Variants in ADGRE1 observed in about 807,000 individuals in gnomAD.
The protein encoded by ADGRE1 is EGF-like module receptor 1.
Under a neutral mutation model 102.7 loss-of-function variants are expected in ADGRE1, and 82 were observed. That is an observed-to-expected ratio of 0.80 (90% CI 0.67 to 0.96). The LOEUF (loss-of-function observed/expected upper bound fraction) is 0.96, where lower values mean the gene tolerates loss of function less well. Ranked by LOEUF, ADGRE1 falls within the 40% of genes least tolerant of loss-of-function variation. ADGRE1 has a pLI of 0.00. For missense variants in ADGRE1, 1,032 were observed against 1,085.3 expected, an observed-to-expected ratio of 0.95 and a Z score of 0.69; for synonymous variants, 398 against 399.6, an observed-to-expected ratio of 1.00 and a Z score of 0.05.
chr19:6,913,898 G>A (rs1405854207), intron 11 of ADGRE1, 68 bp downstream of exon 11: 1 of 1,467,184 alleles, frequency 6.8e-7, no homozygotes, highest in Non-Finnish European at 9.1e-7. Flanking sequence ...TTGGCAATGG[G>A]ATATTCCCTG....
At chr19:6,900,258 T>G (rs1185148492) in intron 5 of ADGRE1, among the ~76,000 whole-genome samples, 1 of 149,758 alleles carries the variant, frequency 6.7e-6, no homozygotes, top group Non-Finnish European at 1.5e-5. Context: ...GAGAATCGCT[T>G]AAGACCAAGA....
chr19:6,902,079 G>A, intron 6 of ADGRE1, 58 bp downstream of exon 6: 1 of 1,603,190 alleles, frequency 6.2e-7, no homozygotes, highest in Non-Finnish European at 8.5e-7. Context: ...AGACAGCAGT[G>A]AGGGGATTAG....
intron 9 of ADGRE1, among the ~76,000 whole-genome samples, chr19:6,906,988 GAGTCTTCC>G (rs1973984197): frequency 6.6e-6 from 1 of 152,098 alleles, no homozygotes; most frequent in African/African-American, 2.4e-5. Context: ...GAATATATTG[GAGTCTTCC>G]TGCCAGTGAA....
At chr19:6,934,026 A>C (rs1185403059) in intron 17 of ADGRE1, among the ~76,000 whole-genome samples, 1 of 152,210 alleles carries the variant, frequency 6.6e-6, no homozygotes, top group Non-Finnish European at 1.5e-5. Flanking sequence ...GAGAACAAGC[A>C]AAGGCTGTTT....
intron 16 of ADGRE1, 117 bp from the exon 17 acceptor site, chr19:6,928,028 C>T: frequency 7.9e-7 from 1 of 1,270,618 alleles, no homozygotes; most frequent in Non-Finnish European, 1.1e-6. Context: ...CCATCCTGAG[C>T]ATCATCTGAG....
At chr19:6,933,385 C>CTTTTTTTTT (rs34493324) in intron 17 of ADGRE1, among the ~76,000 whole-genome samples, 16 of 129,882 alleles carry the variant, frequency 1.2e-4, no homozygotes, top group African/African-American at 4.7e-4. Context: ...AGTGTGAAGA[C>CTTTTTTTTT]TTTTTTTTTT....
At position 6,931,172 on chromosome 19, in the gene ADGRE1, C is replaced by T. The variant is rs79226780; in HGVS notation, c.2289+2961C>T. On this transcript the variant is annotated intron_variant, in intron 17 of 20. Coordinates refer to ENST00000312053, the MANE Select transcript of ADGRE1 (RefSeq NM_001974.5). ...TTAAATGTTTAGCTCCCACAAAGAA[C>T]TGAGAACATGTGAAATGTGTCTTTC... Among the ~76,000 whole-genome samples the T allele has an allele frequency of 7.6e-3, 1,153 of 151,708 alleles. 20 individuals carry two copies. The highest frequency in any genetic ancestry group is 0.026 in the African/African-American group (1,092 of 41,446).
rs36079308 is a variant in ADGRE1, at chr19:6,907,341, AT to A, written c.1038+835del. Among the ~76,000 whole-genome samples, 210 of 144,998 alleles carry A rather than the reference AT, an allele frequency of 1.4e-3. 2 individuals are homozygous for A. The highest frequency in any genetic ancestry group is 1.6e-3 in the Non-Finnish European group (105 of 66,186). ...TCATCACCTCAATCTAGTTCTAGAA[AT>A]TTTTTTTTTTTTTTGAGATGGAGTC... On this transcript the variant is annotated intron_variant, in intron 9 of 20. Coordinates refer to ENST00000312053, the MANE Select transcript of ADGRE1 (RefSeq NM_001974.5).
rs1178989897 is a variant in ADGRE1, at chr19:6,897,556, G to A, written c.514+9G>A. On this transcript the variant is annotated intron_variant, in intron 5 of 20. Coordinates refer to ENST00000312053, the MANE Select transcript of ADGRE1 (RefSeq NM_001974.5). ...AAACTCCACCTGTGAAGGTATCCAT[G>A]ACCATCTCTTTATTATTTACCTACT... 6.5e-7 allele frequency: 1 copy of A among 1,533,982 alleles called. No individual in the cohort carries two copies. Among genetic ancestry groups the A allele is most frequent in the South Asian group, 1.3e-5 (1 of 76,406 alleles).
chr19:6,919,823 A>AT (rs1005757423), intron 13 of ADGRE1, 76 bp downstream of exon 13: 2 of 1,432,908 alleles, frequency 1.4e-6, no homozygotes, highest in Admixed American at 3.7e-5. Context: ...CTTAACTCTC[A>AT]TTTTTTACGG....
intron 3 of ADGRE1, 104 bp downstream of exon 3, chr19:6,896,645 A>T (rs892734596): frequency 1.4e-5 from 19 of 1,318,392 alleles, no homozygotes; most frequent in Non-Finnish European, 2.0e-5. Context: ...ATTTTTTTTT[A>T]AATCTGGTTT....
At chr19:6,900,613 A>G (rs77537650) in intron 5 of ADGRE1, among the ~76,000 whole-genome samples, 2,006 of 152,150 alleles carry the variant, frequency 0.013, 56 homozygotes, top group African/African-American at 0.046. Context: ...TCTCCAATCC[A>G]TCCTCTACAC....
At position 6,890,596 on chromosome 19, in the gene ADGRE1, C is replaced by T. The variant is rs1973333348; in HGVS notation, c.94+53C>T. ...CCTGAAGGGGTAGAGAAAGTTTTCT[C>T]CCCGGGGAAACATCCCAGGAAGCTG... On this transcript the variant is annotated intron_variant, in intron 2 of 20. Coordinates refer to ENST00000312053, the MANE Select transcript of ADGRE1 (RefSeq NM_001974.5). 1.3e-5 allele frequency: 21 copies of T among 1,574,378 alleles called. 1 individual carries two copies. Among genetic ancestry groups the T allele is most frequent in the South Asian group, 1.2e-4 (11 of 88,200 alleles).
At chr19:6,908,182 A>G (rs1302242504) in intron 9 of ADGRE1, among the ~76,000 whole-genome samples, 1 of 152,272 alleles carries the variant, frequency 6.6e-6, no homozygotes, top group Admixed American at 6.5e-5. Context: ...CCTGCTGCAG[A>G]TAACTAGCCA....
At position 6,924,848 on chromosome 19, in the gene ADGRE1, C is replaced by A. The variant is rs371078149; in HGVS notation, c.1962C>A (p.Ala654=). Residue 654 remains alanine, a synonymous_variant, in exon 15 of 21, where the codon GCC becomes GCA. Transcript: ENST00000312053. ...CLLLAKTLFL[A]GIHKTDNKMG... is the part of the protein sequence containing the mutation. ...TCTTGGCGAAGACTCTCTTCCTCGC[C>A]GGTATACACAAGACTGACAACAAGG... The A allele has an allele frequency of 6.2e-7, 1 of 1,614,092 alleles. No individual in the cohort carries two copies. The highest frequency in any genetic ancestry group is 8.5e-7 in the Non-Finnish European group (1 of 1,180,028).
chr19:6,930,436 A>AT (rs924679565), intron 17 of ADGRE1, among the ~76,000 whole-genome samples: 3 of 151,552 alleles, frequency 2.0e-5, no homozygotes, highest in East Asian at 1.9e-4. Flanking sequence ...CGAGGATTAA[A>AT]TTTTTTTTTA....
intron 15 of ADGRE1, 92 bp downstream of exon 15, chr19:6,924,964 C>A: frequency 7.4e-7 from 1 of 1,353,120 alleles, no homozygotes; most frequent in East Asian, 2.3e-5. Context: ...ATCCCTGTTC[C>A]TACCTCAGGG....
Position 6,924,829 on chromosome 19 carries a change from C to T in ADGRE1, c.1943C>T (p.Ala648Val), listed in dbSNP as rs200264142. 33 of 1,614,098 alleles carry T rather than the reference C, an allele frequency of 2.0e-5. No individual in the cohort carries two copies. Among genetic ancestry groups the T allele is most frequent in the African/African-American group, 9.3e-5 (7 of 75,012 alleles). The change falls in exon 15 of 21, where the codon GCG (alanine) becomes GTG (valine). Residue 648 changes from alanine (A) to valine (V), a missense_variant. By Grantham distance (64) the Ala-to-Val change is moderately conservative. Coordinates refer to ENST00000312053, the MANE Select transcript of ADGRE1 (RefSeq NM_001974.5). ...CACCTCTGCGTGTGTCTCCTCTTGG[C>T]GAAGACTCTCTTCCTCGCCGGTATA... is the stretch of plus-strand genomic sequence containing the variant. ...HLHLCVCLLL[A>V]KTLFLAGIHK...
chr19:6,908,705 A>T lies in ADGRE1; in HGVS notation c.1055A>T (p.Gln352Leu). The T allele has an allele frequency of 6.2e-7, 1 of 1,601,980 alleles. No individual in the cohort carries two copies. The highest frequency in any genetic ancestry group is 8.5e-7 in the Non-Finnish European group (1 of 1,176,822). Residue 352 changes from glutamine (Q) to leucine (L), a missense_variant, in exon 10 of 21, where the codon CAA becomes CTA. By Grantham distance (113) the Gln-to-Leu change is moderately radical (BLOSUM62 -2). Coordinates refer to ENST00000312053, the MANE Select transcript of ADGRE1 (RefSeq NM_001974.5). Reference sequence around the variant, plus strand: ...GGGACGCAGGTCTCCTTTTGTGCACAAATAAATAACATCTTCAGCGTTCTG... The same window carrying T: ...GGGACGCAGGTCTCCTTTTGTGCACTAATAAATAACATCTTCAGCGTTCTG... ...VKPAYVSFCAQINNIFSVLDK... is the reference protein window; with the variant it reads ...VKPAYVSFCALINNIFSVLDK...
Sources: allele counts gnomAD v4.1 joint callset (sites outside exome capture counted in the v4.1 genomes callset), GRCh38; gene constraint gnomAD v4.1.1; transcripts MANE v1.5; gene names NCBI Gene and HGNC (gene_info 2026-07-23, HGNC 2026-07-21).